ARSH: variants seen among roughly 807,000 people sequenced by gnomAD.
ARSH encodes the protein arylsulfatase family member H, also known as arylsulfatase H.
Under a neutral mutation model 28.7 loss-of-function variants are expected in ARSH, and 32 were observed. The ratio of observed to expected loss-of-function variants is 1.11; its 90% CI spans 0.84 to 1.50. The LOEUF is 1.50. Ranked by LOEUF, ARSH falls within the 40% of genes most tolerant of loss-of-function variation. The probability of loss-of-function intolerance (pLI) is 0.00; values close to 1 mark genes in which losing one functional copy is unlikely to be tolerated. For missense variants in ARSH, 440 were observed against 452.4 expected (o/e 0.97, Z 0.25); for synonymous variants, 176 against 177.3 (o/e 0.99, Z 0.06).
intron 3 of ARSH, among the ~76,000 whole-genome samples, chrX:3,013,570 T>C (rs1316996723): frequency 7.5e-5 from 7 of 93,868 alleles, no homozygotes; most frequent in African/African-American, 2.8e-4. Flanking sequence ...CTTAATATTC[T>C]ATGCCCTTTT....
At chrX:3,008,027 G>A (rs1237844685) in intron 1 of ARSH, among the ~76,000 whole-genome samples, 1 of 111,807 alleles carries the variant, frequency 8.9e-6, no homozygotes, top group Non-Finnish European at 1.9e-5. Context: ...AGGTCCTGGG[G>A]GTTAGGACTT....
chrX:3,023,372 G>A (rs1422192268), intron 5 of ARSH, among the ~76,000 whole-genome samples: 1 of 103,317 alleles, frequency 9.7e-6, no homozygotes, highest in East Asian at 3.0e-4. Flanking sequence ...TTATCTTATA[G>A]TTAATATATT....
At chrX:3,027,598 A>G in intron 7 of ARSH, 123 bp downstream of exon 7, 1 of 747,542 alleles carries the variant, frequency 1.3e-6, no homozygotes, top group Non-Finnish European at 1.9e-6. Flanking sequence ...TATTCTGCCC[A>G]TAGGGCCAGA....
Position 3,015,332 on chromosome X carries a change from C to T in ARSH, c.703C>T (p.Pro235Ser). Residue 235 changes from proline (P) to serine (S), a missense_variant, in exon 4 of 9, where the codon CCA (proline) becomes TCA (serine). By Grantham distance (74) the Pro-to-Ser change is moderately conservative. Coordinates refer to ENST00000381130, the MANE Select transcript of ARSH (RefSeq NM_001011719.2). The part of the protein sequence containing the change: ...LMRNHEIIQQ[P>S]MKEEKVASLM... ...GAGGAACCATGAAATTATCCAGCAG[C>T]CAATGAAAGAGGAGAAAGTAGCTTC... 1 of 1,211,535 alleles carries T rather than the reference C, an allele frequency of 8.3e-7. No individual in the cohort carries two copies. Among genetic ancestry groups the T allele is most frequent in the South Asian group, 1.8e-5 (1 of 56,952 alleles).
intron 6 of ARSH, among the ~76,000 whole-genome samples, chrX:3,026,870 G>A (rs894043251): frequency 3.7e-5 from 4 of 109,339 alleles, no homozygotes; most frequent in Non-Finnish European, 5.7e-5. Context: ...TTATTTTTTG[G>A]AGACAGAGTC....
At position 3,024,113 on chromosome X, in the gene ARSH, G is replaced by A. The variant is rs1470700851; in HGVS notation, c.994G>A (p.Asp332Asn). 8.3e-7 allele frequency: 1 copy of A among 1,204,696 alleles called. No individual in the cohort carries two copies. Among genetic ancestry groups the A allele is most frequent in the African/African-American group, 1.7e-5 (1 of 57,266 alleles). The change falls in exon 6 of 9, where the codon GAC becomes AAC. Residue 332 changes from aspartate to asparagine, a missense_variant. Coordinates refer to ENST00000381130, the MANE Select transcript of ARSH (RefSeq NM_001011719.2). ...CAACGGGGGCCACCTGGAGCCCCTGGACGGGGCTGTTCAGCTGGGTGGCTG... is the reference window on the plus strand; with the variant it reads ...CAACGGGGGCCACCTGGAGCCCCTGAACGGGGCTGTTCAGCTGGGTGGCTG... ...SDNGGHLEPL[D>N]GAVQLGGWNG...
rs2089922318 is a variant in ARSH, at chrX:3,034,070, C to T, written c.*685C>T. On this transcript the variant is annotated 3_prime_UTR_variant, in exon 9 of 9. Transcript: ENST00000381130. ...ACATGCATTAATTAATGTGAAATTG[C>T]CTTGTGTAGAATAAGCAGTCAATAA... Among the ~76,000 whole-genome samples the T allele has an allele frequency of 9.0e-6, 1 of 111,598 alleles. No individual in the cohort carries two copies. The highest frequency in any genetic ancestry group is 1.9e-5 in the Non-Finnish European group (1 of 53,219).
chrX:3,013,278 G>A, intron 3 of ARSH, 106 bp downstream of exon 3: 4 of 932,159 alleles, frequency 4.3e-6, no homozygotes, highest in Admixed American at 6.7e-5. Context: ...CAGTTTGACC[G>A]ACTTCTCTTT....
chrX:3,034,098 GTTA>G lies in ARSH; in HGVS notation c.*720_*722del, dbSNP rs771626418. Among the ~76,000 whole-genome samples the G allele has an allele frequency of 5.4e-5, 6 of 111,949 alleles. No individual in the cohort carries two copies. The highest frequency in any genetic ancestry group is 7.5e-5 in the Non-Finnish European group (4 of 53,289). On this transcript the variant is annotated 3_prime_UTR_variant, in exon 9 of 9. Transcript: ENST00000381130. ...TGTGTAGAATAAGCAGTCAATAAAT[GTTA>G]TTATTACAAATGTTGTTGTAAGCAT...
intron 4 of ARSH, among the ~76,000 whole-genome samples, chrX:3,017,184 C>A (rs1215654881): frequency 9.0e-6 from 1 of 111,487 alleles, no homozygotes; most frequent in Non-Finnish European, 1.9e-5. Context: ...GGAATATATT[C>A]AATCTCCATC....
At chrX:3,008,505 CT>C (rs1355717398) in intron 1 of ARSH, among the ~76,000 whole-genome samples, 3 of 86,840 alleles carry the variant, frequency 3.5e-5, no homozygotes, top group Admixed American at 1.4e-4. Flanking sequence ...TTCTTTCTTT[CT>C]TTCTTTCTTC....
chrX:3,006,741 A>T (rs1190921050), intron 1 of ARSH, 37 bp downstream of exon 1: 1 of 1,082,472 alleles, frequency 9.2e-7, no homozygotes, highest in Non-Finnish European at 1.3e-6. Flanking sequence ...TGTATGTGGG[A>T]GTCTCCCTTA....
intron 8 of ARSH, among the ~76,000 whole-genome samples, chrX:3,032,513 AAAGAAAAG>A (rs1372563923): frequency 2.0e-4 from 21 of 104,313 alleles, no homozygotes; most frequent in African/African-American, 7.4e-4. Context: ...GGAGGGAAAG[AAAGAAAAG>A]AAGAAAACAG....
intron 1 of ARSH, among the ~76,000 whole-genome samples, chrX:3,009,214 C>T (rs924858454): frequency 8.1e-5 from 9 of 110,508 alleles, no homozygotes; most frequent in African/African-American, 3.0e-4. Flanking sequence ...TGGTGGATCA[C>T]ACCTGCAATC....
intron 2 of ARSH, among the ~76,000 whole-genome samples, chrX:3,010,427 C>T (rs1251845530): frequency 1.8e-5 from 2 of 111,408 alleles, no homozygotes; most frequent in Non-Finnish European, 3.8e-5. Context: ...GGTACTTGTG[C>T]TAAGATTTCT....
At chrX:3,016,790 C>T (rs933658843) in intron 4 of ARSH, among the ~76,000 whole-genome samples, 33 of 110,994 alleles carry the variant, frequency 3.0e-4, no homozygotes, top group African/African-American at 1.0e-3. Context: ...TGCTATGTTG[C>T]CCAGGCTGGT....
intron 2 of ARSH, among the ~76,000 whole-genome samples, chrX:3,012,736 G>T (rs2089854413): frequency 9.6e-6 from 1 of 104,113 alleles, no homozygotes; most frequent in Non-Finnish European, 1.9e-5. Context: ...AGTGTCCTCA[G>T]ATACTATTGA....
intron 3 of ARSH, among the ~76,000 whole-genome samples, chrX:3,014,259 T>C (rs2089859416): frequency 9.0e-6 from 1 of 111,557 alleles, no homozygotes; most frequent in African/African-American, 3.3e-5. Flanking sequence ...AGAGCAAGAC[T>C]CTGTCTCTTA....
At chrX:3,012,593 AT>A (rs1452588817) in intron 2 of ARSH, among the ~76,000 whole-genome samples, 11 of 30,939 alleles carry the variant, frequency 3.6e-4, no homozygotes, top group African/African-American at 2.7e-4. Flanking sequence ...ATATATATAT[AT>A]ATATAATATA....
Sources: allele counts gnomAD v4.1 joint callset (sites outside exome capture counted in the v4.1 genomes callset), GRCh38; gene constraint gnomAD v4.1.1; transcripts MANE v1.5; gene names NCBI Gene and HGNC (gene_info 2026-07-23, HGNC 2026-07-21).